Variants in TMEM175 observed in about 807,000 individuals in gnomAD.
The protein encoded by TMEM175 is transmembrane protein 175.
In TMEM175, 36 loss-of-function variants were observed where a neutral mutation model predicts 36.5. The ratio of observed to expected loss-of-function variants is 0.99; its 90% CI spans 0.76 to 1.30. The LOEUF is 1.30. TMEM175 is among the 50% of genes most tolerant of loss of function. The pLI, the probability that TMEM175 is intolerant of heterozygous loss-of-function variation, is 0.00. For missense variants in TMEM175, 705 were observed against 692.8 expected, an observed-to-expected ratio of 1.02 and a Z score of -0.20; for synonymous variants, 339 against 313.4, an observed-to-expected ratio of 1.08 and a Z score of -0.86.
At chr4:950,749 A>G (rs1728771150) in intron 4 of TMEM175, among the ~76,000 whole-genome samples, 1 of 145,708 alleles carries the variant, frequency 6.9e-6, no homozygotes, top group Non-Finnish European at 1.5e-5. Context: ...ATGGTGCAAT[A>G]GGTGGAGGTG....
At chr4:951,142 G>A (rs1387749339) in intron 4 of TMEM175, 65 bp from the exon 5 acceptor site, 31 of 1,394,548 alleles carry the variant, frequency 2.2e-5, no homozygotes, top group Non-Finnish European at 3.1e-5. Context: ...GCTGGAAAGA[G>A]TGTGTGTGCA....
chr4:934,690 TGA>T (rs1336726490), intron 1 of TMEM175, among the ~76,000 whole-genome samples: 4 of 152,148 alleles, frequency 2.6e-5, no homozygotes, highest in Non-Finnish European at 5.9e-5. Context: ...TGTTTTAAGA[TGA>T]GAGATTCTTG....
chr4:940,187 G>A (rs1033824489), intron 1 of TMEM175, among the ~76,000 whole-genome samples: 1 of 152,184 alleles, frequency 6.6e-6, no homozygotes, highest in Non-Finnish European at 1.5e-5. Context: ...AGTGGCTCAC[G>A]CCTGTAATCC....
chr4:935,293 C>G (rs1266638120), intron 1 of TMEM175, among the ~76,000 whole-genome samples: 2 of 152,204 alleles, frequency 1.3e-5, no homozygotes, highest in Admixed American at 1.3e-4. Context: ...ATCTCCATAT[C>G]TCATCTGAAC....
At chr4:952,122 G>T in intron 6 of TMEM175, 1 of 597,130 alleles carries the variant, frequency 1.7e-6, no homozygotes, top group Non-Finnish European at 3.0e-6. Context: ...ACTGGGGTCT[G>T]GGGAATTCCG....
intron 10 of TMEM175, 82 bp from the exon 11 acceptor site, chr4:957,742 C>T: frequency 1.4e-6 from 2 of 1,417,354 alleles, no homozygotes; most frequent in Non-Finnish European, 1.9e-6. Flanking sequence ...TCCAGGCAGC[C>T]CTGACAGGCG....
chr4:941,006 A>AT (rs1236355561), intron 1 of TMEM175, among the ~76,000 whole-genome samples: 30 of 100,812 alleles, frequency 3.0e-4, no homozygotes, highest in Non-Finnish European at 5.1e-4. Flanking sequence ...ACTCCGTCTC[A>AT]AAATAATAAT....
chr4:946,044 G>A (rs887492740), intron 1 of TMEM175: 2 of 152,342 alleles, frequency 1.3e-5, no homozygotes, highest in African/African-American at 4.8e-5. Flanking sequence ...TGTGTCCCAG[G>A]AAACAAGCCT....
Position 952,024 on chromosome 4 carries a change from C to A in TMEM175, c.378+307C>A, listed in dbSNP as rs752771439. 3.1e-5 allele frequency: 18 copies of A among 583,414 alleles called. No individual in the cohort carries two copies. The South Asian group carries it at 3.2e-4, about 11-fold the overall frequency. The allele number at this position is 583,414 out of a possible 1,614,324, so 36.1% of individuals were successfully genotyped here. A position where few individuals can be genotyped will look rare whatever the true frequency, so the allele number is the denominator to read the frequency against. On this transcript the variant is annotated intron_variant, in intron 6 of 10. Coordinates refer to ENST00000264771, the MANE Select transcript of TMEM175 (RefSeq NM_032326.4). The stretch of plus-strand genomic sequence containing the variant: ...TGCAGCCCCTACAGCCTCCGACCAC[C>A]CGCCCTGTACTACTCAGGCTGTGAA...
chr4:940,777 G>C (rs886698792), intron 1 of TMEM175, among the ~76,000 whole-genome samples: 1 of 151,920 alleles, frequency 6.6e-6, no homozygotes, highest in Non-Finnish European at 1.5e-5. Flanking sequence ...GGAGGCTGAG[G>C]TGGGTGGATC....
chr4:938,801 C>G (rs1727101881), intron 1 of TMEM175, among the ~76,000 whole-genome samples: 1 of 152,194 alleles, frequency 6.6e-6, no homozygotes, highest in Non-Finnish European at 1.5e-5. Flanking sequence ...CTAGGAGATT[C>G]AACAGTGCAG....
At chr4:955,616 C>T in intron 9 of TMEM175, 133 bp downstream of exon 9, 4 of 1,450,294 alleles carry the variant, frequency 2.8e-6, no homozygotes, top group South Asian at 2.5e-5. Context: ...CCCACTCCGC[C>T]CCTCGGGCGT....
chr4:935,600 G>A (rs748124787), intron 1 of TMEM175, among the ~76,000 whole-genome samples: 1 of 152,140 alleles, frequency 6.6e-6, no homozygotes, highest in Non-Finnish European at 1.5e-5. Context: ...CTCAATAAAC[G>A]ATAGGATAGA....
At chr4:944,165 T>A (rs1052835160) in intron 1 of TMEM175, among the ~76,000 whole-genome samples, 4 of 152,156 alleles carry the variant, frequency 2.6e-5, no homozygotes, top group African/African-American at 9.7e-5. Context: ...TGGTGGCTGG[T>A]GCCTGTAATC....
chr4:953,501 C>A (rs1283915072), intron 8 of TMEM175, 147 bp downstream of exon 8: 3 of 1,017,448 alleles, frequency 2.9e-6, no homozygotes, highest in Non-Finnish European at 4.1e-6. Flanking sequence ...AGGCCCAGGG[C>A]TGCAGTGAGT....
intron 8 of TMEM175, among the ~76,000 whole-genome samples, chr4:953,979 AGC>A (rs1729294089): frequency 5.3e-5 from 8 of 151,474 alleles, no homozygotes; most frequent in African/African-American, 1.7e-4. Flanking sequence ...CCACCACGCC[AGC>A]CTTTATTTTC....
intron 1 of TMEM175, among the ~76,000 whole-genome samples, chr4:940,115 T>G (rs1727254899): frequency 1.3e-5 from 2 of 152,140 alleles, no homozygotes; most frequent in South Asian, 4.1e-4. Context: ...TGATTCTAAC[T>G]ATAGAACATT....
In TMEM175 at chr4:932,537, C is replaced by T. The variant is rs1726102849; in HGVS notation, c.-35C>T. ...GAACAGTCGCCGAGGCGATTCCCGC[C>T]CAGGTAGTTCAGCGCCCCAGTCCAG... is the stretch of plus-strand genomic sequence containing the variant. On this transcript the variant is annotated 5_prime_UTR_variant, in exon 1 of 11. Transcript: ENST00000264771. The surrounding 1 kb of genome is among the most constrained non-coding windows in gnomAD (Gnocchi z 4.0). 2.2e-6 allele frequency: 1 copy of T among 453,210 alleles called. No individual in the cohort carries two copies. The highest frequency in any genetic ancestry group is 3.8e-6 in the Non-Finnish European group (1 of 259,964). The allele number at this position is 453,210 out of a possible 1,614,324, so 28.1% of individuals were successfully genotyped here. A position where few individuals can be genotyped will look rare whatever the true frequency, so the allele number is the denominator to read the frequency against.
Position 947,834 on chromosome 4 carries a change from G to A in TMEM175, c.95G>A (p.Cys32Tyr). ...GAGGACGCTGGGGAGGGGATCCAGT[G>A]CTCCCAACGCATGCTCAGCTTCAGT... ...RDEDAGEGIQCSQRMLSFSDA... is the reference protein window; with the variant it reads ...RDEDAGEGIQYSQRMLSFSDA... Residue 32 changes from cysteine to tyrosine, a missense_variant, in exon 2 of 11, where the codon TGC becomes TAC. Transcript: ENST00000264771. 6.2e-7 allele frequency: 1 copy of A among 1,613,454 alleles called. No homozygotes were observed. The highest frequency in any genetic ancestry group is 1.1e-5 in the South Asian group (1 of 91,092).
Sources: gnomAD v4.1 joint callset for allele counts (sites outside exome capture counted in the v4.1 genomes callset) on GRCh38, gnomAD v4.1.1 for gene constraint, Gnocchi (gnomAD v3.1) non-coding constraint, MANE v1.5 for transcripts, NCBI Gene and HGNC (gene_info 2026-07-23, HGNC 2026-07-21) for gene names.